Variants in SFRP1 observed in about 807,000 individuals in gnomAD.
SFRP1 encodes secreted frizzled related protein 1.
In SFRP1, 9 loss-of-function variants were observed where a neutral mutation model predicts 25.9. The ratio of observed to expected loss-of-function variants is 0.35; its 90% CI spans 0.21 to 0.61. SFRP1 has a LOEUF of 0.61. Ranked by LOEUF, SFRP1 falls within the 20% of genes least tolerant of loss-of-function variation. SFRP1 has a pLI of 0.78. For missense variants in SFRP1, 346 were observed against 418.2 expected, an observed-to-expected ratio of 0.83 and a Z score of 1.51; for synonymous variants, 178 against 174.0, an observed-to-expected ratio of 1.02 and a Z score of -0.18.
At chr8:41,294,390 A>C (rs949657469) in intron 2 of SFRP1, among the ~76,000 whole-genome samples, 3 of 152,254 alleles carry the variant, frequency 2.0e-5, no homozygotes, top group Non-Finnish European at 4.4e-5. Flanking sequence ...CATCTGAGGT[A>C]GTCCCAAAAG....
intron 2 of SFRP1, among the ~76,000 whole-genome samples, chr8:41,292,225 A>G (rs548684266): frequency 6.6e-6 from 1 of 152,300 alleles, no homozygotes; most frequent in Admixed American, 6.5e-5. Context: ...CAGCTGCAGA[A>G]TTCTTTGCAG....
intron 2 of SFRP1, among the ~76,000 whole-genome samples, chr8:41,290,684 G>A (rs541608928): frequency 1.3e-5 from 2 of 152,136 alleles, no homozygotes; most frequent in African/African-American, 4.8e-5. Context: ...TCAAGTGGGT[G>A]GCCCTGAGCA....
chr8:41,308,971 C>G lies in SFRP1; in HGVS notation c.189G>C (p.Ala63=). 8 of 1,613,420 alleles carry G rather than the reference C, an allele frequency of 5.0e-6. No homozygotes were observed. Among genetic ancestry groups the G allele is most frequent in the Non-Finnish European group, 5.9e-6 (7 of 1,179,942 alleles). The change falls in exon 1 of 3, where the codon GCG becomes GCC. Residue 63 remains alanine, a synonymous_variant. Transcript: ENST00000220772. ...CCACGTTGTGGCACAGCCGCAGGTC[C>G]GCGGGGATGTCCACGCACTGAGGTG... is the stretch of plus-strand genomic sequence containing the variant. ...TKPPQCVDIP[A]DLRLCHNVGY...
intron 2 of SFRP1, among the ~76,000 whole-genome samples, chr8:41,288,117 G>A (rs910346386): frequency 1.3e-5 from 2 of 152,052 alleles, no homozygotes; most frequent in Admixed American, 6.6e-5. Context: ...CAGCACTTTG[G>A]GAGGCCAAGG....
rs908492240 is a variant in SFRP1 at position 41,279,982 on chromosome 8, G to C, written c.623-14493C>G. On this transcript the variant is annotated intron_variant, in intron 2 of 2. Transcript: ENST00000220772. Reference sequence around the variant, plus strand: ...CTCTTTCTTTTTTTCAGCTTTCTAGGCTTTATGTCAATAGCAGGAAGGCTT... The same window carrying C: ...CTCTTTCTTTTTTTCAGCTTTCTAGCCTTTATGTCAATAGCAGGAAGGCTT... 3.3e-5 allele frequency among the ~76,000 whole-genome samples: 5 copies of C among 152,046 alleles called. No individual in the cohort carries two copies. The South Asian group carries it at 1.0e-3, about 32-fold the overall frequency.
chr8:41,277,679 A>ACAC (rs1803587717), intron 2 of SFRP1, among the ~76,000 whole-genome samples: 1 of 152,192 alleles, frequency 6.6e-6, no homozygotes, highest in East Asian at 1.9e-4. Context: ...ACAGTGGTGC[A>ACAC]ATCACAGCTC....
In SFRP1 at chr8:41,264,997, G is replaced by A. The variant is rs1042972058; in HGVS notation, c.*170C>T. The A allele has an allele frequency of 4.5e-5, 27 of 596,296 alleles. No individual in the cohort carries two copies. Among genetic ancestry groups the A allele is most frequent in the South Asian group, 1.5e-4 (7 of 45,918 alleles). 36.9% of individuals were successfully genotyped at this position (596,296 alleles called of 1,614,324 possible). On this transcript the variant is annotated 3_prime_UTR_variant, in exon 3 of 3. Transcript: ENST00000220772. The stretch of plus-strand genomic sequence containing the variant: ...CCATGGCTACCCTGGGGTTTGGAGC[G>A]TGGCTATGGAGGGAAGGGAGCGGGA...
chr8:41,309,151 G>A lies in SFRP1; in HGVS notation c.9C>T (p.Ile3=). Residue 3 remains isoleucine, a synonymous_variant, in exon 1 of 3, where the codon ATC becomes ATT. Coordinates refer to ENST00000220772, the MANE Select transcript of SFRP1 (RefSeq NM_003012.5). MG[I]GRSEGGRRGA... is the part of the protein sequence containing the mutation. ...CGCGGCGGCCCCCCTCGCTGCGCCCGATGCCCATGCCGGCTCTGCGCCCTG... is the reference window on the plus strand; with the variant it reads ...CGCGGCGGCCCCCCTCGCTGCGCCCAATGCCCATGCCGGCTCTGCGCCCTG... 1 of 1,407,462 alleles carries A rather than the reference G, an allele frequency of 7.1e-7. No individual in the cohort carries two copies. The highest frequency in any genetic ancestry group is 9.1e-7 in the Non-Finnish European group (1 of 1,095,644). The allele number at this position is 1,407,462 out of a possible 1,614,324, so 87.2% of individuals were successfully genotyped here. A position where few individuals can be genotyped will look rare whatever the true frequency, so the allele number is the denominator to read the frequency against.
rs765603358 is a variant in SFRP1 at position 41,265,178 on chromosome 8, C to G, written c.934G>C (p.Val312Leu). 1 of 1,315,014 alleles carries G rather than the reference C, an allele frequency of 7.6e-7. No individual in the cohort carries two copies. The highest frequency in any genetic ancestry group is 2.1e-5 in the Admixed American group (1 of 48,280). The allele number at this position is 1,315,014 out of a possible 1,614,324, so 81.5% of individuals were successfully genotyped here. ...TGCCCCCGGGAGAATCACTTAAACA[C>G]GGACTGAAAGGTGGGGCACTCATGG... ...KNHECPTFQS[V>L]FK The change falls in exon 3 of 3, where the codon GTG becomes CTG. Residue 312 changes from valine (V) to leucine (L), a missense_variant. Transcript: ENST00000220772.
intron 1 of SFRP1, 89 bp from the exon 2 acceptor site, chr8:41,303,627 G>A (rs1382191157): frequency 1.6e-5 from 16 of 975,436 alleles, no homozygotes; most frequent in Non-Finnish European, 2.0e-5. Flanking sequence ...CTGGGTCCAG[G>A]CTGAAAGTGG....
chr8:41,292,474 T>G (rs866635481), intron 2 of SFRP1, among the ~76,000 whole-genome samples: 42 of 152,220 alleles, frequency 2.8e-4, no homozygotes, highest in African/African-American at 9.6e-4. Flanking sequence ...ATGTGCCTGC[T>G]TCCCTTTATG....
intron 2 of SFRP1, among the ~76,000 whole-genome samples, chr8:41,267,384 G>T (rs7831698): frequency 0.028 from 4,206 of 152,228 alleles, 184 homozygotes; most frequent in African/African-American, 0.094. Context: ...ACAGTGTCGC[G>T]GGTACAATCA....
chr8:41,309,136 C>G lies in SFRP1; in HGVS notation c.24G>C (p.Gly8=). The change falls in exon 1 of 3, where the codon GGG becomes GGC. Residue 8 remains glycine, a synonymous_variant. Coordinates refer to ENST00000220772, the MANE Select transcript of SFRP1 (RefSeq NM_003012.5). MGIGRSE[G]GRRGAALGVL... ...CGCCCAGGGCTGCCCCGCGGCGGCC[C>G]CCCTCGCTGCGCCCGATGCCCATGC... 7.0e-7 allele frequency: 1 copy of G among 1,431,116 alleles called. No individual in the cohort carries two copies. The highest frequency in any genetic ancestry group is 9.0e-7 in the Non-Finnish European group (1 of 1,107,534). The allele number at this position is 1,431,116 out of a possible 1,614,324, so 88.7% of individuals were successfully genotyped here.
At chr8:41,277,070 C>T (rs1803580467) in intron 2 of SFRP1, 1 of 455,824 alleles carries the variant, frequency 2.2e-6, no homozygotes, top group Non-Finnish European at 4.4e-6. Context: ...GAAAACCCCA[C>T]TCTGAGAGCA....
chr8:41,301,491 CA>C (rs1803916138), intron 2 of SFRP1, among the ~76,000 whole-genome samples: 1 of 152,042 alleles, frequency 6.6e-6, no homozygotes, highest in East Asian at 1.9e-4. Context: ...ACATTACAGA[CA>C]AAAAAACAAA....
rs781567923 is a variant in SFRP1 at position 41,306,680 on chromosome 8, T to C, written c.544+1936A>G. 4 of 1,587,410 alleles carry C rather than the reference T, an allele frequency of 2.5e-6. No homozygotes were observed. The African/African-American group carries it at 5.4e-5, about 21-fold the overall frequency. On this transcript the variant is annotated intron_variant, in intron 1 of 2. Coordinates refer to ENST00000220772, the MANE Select transcript of SFRP1 (RefSeq NM_003012.5). ...CTCCCGACCGGCCCTCTCCCCACTT[T>C]TCTCTTTGCTCCTCAAAGACCTGTC... is the stretch of plus-strand genomic sequence containing the variant.
At chr8:41,281,243 C>G (rs2117493716) in intron 2 of SFRP1, among the ~76,000 whole-genome samples, 1 of 152,340 alleles carries the variant, frequency 6.6e-6, no homozygotes, top group South Asian at 2.1e-4. Flanking sequence ...ATCAGGGGTG[C>G]TGATCACAGC....
intron 2 of SFRP1, among the ~76,000 whole-genome samples, chr8:41,293,120 A>T (rs1253154289): frequency 1.3e-5 from 2 of 151,650 alleles, no homozygotes; most frequent in Non-Finnish European, 2.9e-5. Flanking sequence ...ACCTGACTGA[A>T]CTCCTTCCCC....
At chr8:41,307,119 G>T (rs577574607) in intron 1 of SFRP1, 304 of 929,568 alleles carry the variant, frequency 3.3e-4, no homozygotes, top group Middle Eastern at 7.4e-4. Context: ...GGAAATTCCC[G>T]CAGGCTGCAG....
Sources: gnomAD v4.1 joint callset for allele counts (sites outside exome capture counted in the v4.1 genomes callset) on GRCh38, gnomAD v4.1.1 for gene constraint, MANE v1.5 for transcripts, NCBI Gene and HGNC (gene_info 2026-07-23, HGNC 2026-07-21) for gene names.